Variants in SPOP observed in about 807,000 individuals in gnomAD.
SPOP encodes the protein speckle type BTB/POZ protein.
A neutral mutation model predicts 45.6 loss-of-function variants in SPOP; 11 were observed. That is an observed-to-expected ratio of 0.24 (90% confidence interval 0.15 to 0.40). The LOEUF (loss-of-function observed/expected upper bound fraction) is 0.40. Ranked by LOEUF, SPOP falls within the 10% of genes least tolerant of loss-of-function variation. The pLI is 1.00. For synonymous variants in SPOP, 166 were observed against 166.3 expected (o/e 1.00, Z 0.01); for missense variants, 152 against 465.6 (o/e 0.33, Z 6.20).
At chr17:49,651,967 C>T (rs887006389) in intron 1 of SPOP, among the ~76,000 whole-genome samples, 2 of 151,318 alleles carry the variant, frequency 1.3e-5, no homozygotes, top group South Asian at 2.1e-4. Flanking sequence ...TGCAATGAGC[C>T]GAAATCGTGC....
intron 5 of SPOP, among the ~76,000 whole-genome samples, chr17:49,615,230 T>G (rs770745548): frequency 7.9e-5 from 12 of 152,222 alleles, no homozygotes; most frequent in Non-Finnish European, 1.3e-4. Context: ...AATTAGTGTC[T>G]GGATATTTCA....
chr17:49,604,305 A>G (rs2071794333), intron 8 of SPOP, among the ~76,000 whole-genome samples: 1 of 152,206 alleles, frequency 6.6e-6, no homozygotes, highest in Non-Finnish European at 1.5e-5. Context: ...GAATTTTCAC[A>G]TTGCTTCATT....
chr17:49,600,005 C>A lies in SPOP; in HGVS notation c.*373G>T, dbSNP rs2071710205. ...CTTCTGTTAAAACTCAATGTCCTTT[C>A]TTTTTTTTTTTTCCTTTTTGCTCCA... On this transcript the variant is annotated 3_prime_UTR_variant, in exon 10 of 10. Transcript: ENST00000504102. The surrounding 1 kb of genome is among the most constrained non-coding windows in gnomAD (Gnocchi z 4.2). 1 of 203,688 alleles carries A rather than the reference C, an allele frequency of 4.9e-6. No homozygotes were observed. Among genetic ancestry groups the A allele is most frequent in the Non-Finnish European group, 9.6e-6 (1 of 103,796 alleles). The allele number at this position is 203,688 out of a possible 1,614,324, so 12.6% of individuals were successfully genotyped here.
chr17:49,618,248 T>C (rs2072132808), intron 5 of SPOP, among the ~76,000 whole-genome samples: 2 of 152,208 alleles, frequency 1.3e-5, no homozygotes, highest in South Asian at 4.1e-4. Flanking sequence ...TTTATTACAC[T>C]GTGAGCTTGT....
rs2143267253 is a variant in SPOP at position 49,619,176 on chromosome 17, A to T, written c.352+58T>A. Reference sequence around the variant, plus strand: ...AACCAGATCAAAGCCACAACTTGTCAGTGTATGAAACTTCTGGATGTGAAA... The same window carrying T: ...AACCAGATCAAAGCCACAACTTGTCTGTGTATGAAACTTCTGGATGTGAAA... On this transcript the variant is annotated intron_variant, in intron 4 of 9. Transcript: ENST00000504102. This position sits in a 1 kb window ranked among gnomAD's most constrained non-coding sequence, Gnocchi z 4.9. 1 of 1,613,566 alleles carries T rather than the reference A, an allele frequency of 6.2e-7. No homozygotes were observed. Among genetic ancestry groups the T allele is most frequent in the Non-Finnish European group, 8.5e-7 (1 of 1,179,836 alleles).
intron 1 of SPOP, among the ~76,000 whole-genome samples, chr17:49,650,535 G>A (rs1372201446): frequency 2.0e-5 from 3 of 152,110 alleles, no homozygotes; most frequent in Non-Finnish European, 4.4e-5. Flanking sequence ...AGCCAAGCTC[G>A]TGCCACTGCA....
At chr17:49,668,461 G>C (rs890729416) in intron 1 of SPOP, among the ~76,000 whole-genome samples, 1 of 152,040 alleles carries the variant, frequency 6.6e-6, no homozygotes, top group African/African-American at 2.4e-5. Context: ...ATTGACTGGA[G>C]TATATAGTAC....
intron 8 of SPOP, among the ~76,000 whole-genome samples, chr17:49,603,911 C>T (rs1324178607): frequency 6.6e-6 from 1 of 152,172 alleles, no homozygotes; most frequent in African/African-American, 2.4e-5. Context: ...GATCACCATG[C>T]CCTGTGTACT....
At chr17:49,618,096 C>T (rs928274308) in intron 5 of SPOP, among the ~76,000 whole-genome samples, 6 of 151,958 alleles carry the variant, frequency 3.9e-5, no homozygotes, top group Non-Finnish European at 7.4e-5. Flanking sequence ...TTTGACCGAG[C>T]GAGTTGGCAA....
intron 5 of SPOP, among the ~76,000 whole-genome samples, 185 bp downstream of exon 5, chr17:49,618,796 A>G (rs1425033430): frequency 1.3e-5 from 2 of 152,218 alleles, no homozygotes; most frequent in African/African-American, 4.8e-5. Flanking sequence ...TAACAAGTGG[A>G]AAGCTGAGAT....
At position 49,607,345 on chromosome 17, in the gene SPOP, G is replaced by A; in HGVS notation, c.742C>T (p.Pro248Ser). The A allele has an allele frequency of 1.2e-6, 2 of 1,613,628 alleles. No individual in the cohort carries two copies. The highest frequency in any genetic ancestry group is 8.5e-7 in the Non-Finnish European group (1 of 1,179,742). ...KNRVEINDVEPEVFKEMMCFI... is the reference protein window; with the variant it reads ...KNRVEINDVESEVFKEMMCFI... Reference sequence around the variant, plus strand: ...CACATCATTTCCTTAAAAACTTCAGGCTCCACATCATTGATTTCAACTCGA... The same window carrying A: ...CACATCATTTCCTTAAAAACTTCAGACTCCACATCATTGATTTCAACTCGA... Residue 248 changes from proline (P) to serine (S), a missense_variant, in exon 8 of 10, where the codon CCT (proline) becomes TCT (serine). Physicochemically the swap from Pro to Ser is moderately conservative, Grantham distance 74. Transcript: ENST00000504102.
intron 8 of SPOP, among the ~76,000 whole-genome samples, chr17:49,604,048 G>A (rs914407262): frequency 6.6e-6 from 1 of 152,106 alleles, no homozygotes; most frequent in African/African-American, 2.4e-5. Context: ...CTAAAAAGTG[G>A]GCCTTGCAAT....
rs542443312 is a variant in SPOP at position 49,622,078 on chromosome 17, A to G, written c.79-11T>C. The G allele has an allele frequency of 6.2e-7, 1 of 1,611,936 alleles. No individual in the cohort carries two copies. The highest frequency in any genetic ancestry group is 1.1e-5 in the South Asian group (1 of 90,554). ...TTTCACTACCTTGATCTGTTGATAG[A>G]AAAACAGGAAGCAATTAAATAGGAA... On this transcript the variant is annotated splice_polypyrimidine_tract_variant and intron_variant, in intron 2 of 9. Coordinates refer to ENST00000504102, the MANE Select transcript of SPOP (RefSeq NM_001007228.2).
intron 8 of SPOP, among the ~76,000 whole-genome samples, chr17:49,606,621 G>A (rs1240410001): frequency 1.3e-5 from 2 of 148,382 alleles, no homozygotes; most frequent in African/African-American, 5.0e-5. Context: ...AGCCTCCTGA[G>A]TAGCTGGGAC....
intron 1 of SPOP, among the ~76,000 whole-genome samples, chr17:49,665,485 G>C (rs1204384349): frequency 2.0e-5 from 3 of 151,724 alleles, no homozygotes; most frequent in Non-Finnish European, 4.4e-5. Context: ...CGTGGTGGCA[G>C]GCGCCTGTAG....
At chr17:49,634,604 T>C (rs2072511034) in intron 1 of SPOP, among the ~76,000 whole-genome samples, 1 of 152,192 alleles carries the variant, frequency 6.6e-6, no homozygotes, top group Admixed American at 6.5e-5. Flanking sequence ...TATTTAAGCA[T>C]GTCCAATCTG....
At chr17:49,610,161 G>A (rs2071939835) in intron 6 of SPOP, among the ~76,000 whole-genome samples, 2 of 152,158 alleles carry the variant, frequency 1.3e-5, no homozygotes, top group South Asian at 2.1e-4. Flanking sequence ...TATTGGCAGT[G>A]TTGAGGGCCT....
intron 1 of SPOP, among the ~76,000 whole-genome samples, chr17:49,648,706 T>C (rs1329303402): frequency 6.6e-6 from 1 of 152,216 alleles, no homozygotes; most frequent in African/African-American, 2.4e-5. Flanking sequence ...CCCTGGTCTT[T>C]TTCTTTTCAG....
chr17:49,602,207 A>C, intron 8 of SPOP, 200 bp from the exon 9 acceptor site: 1 of 551,698 alleles, frequency 1.8e-6, no homozygotes, highest in Non-Finnish European at 2.9e-6. Flanking sequence ...GTAAACAGCT[A>C]AAGTAACTTG....
Sources: allele counts gnomAD v4.1 joint callset (sites outside exome capture counted in the v4.1 genomes callset), GRCh38; gene constraint gnomAD v4.1.1; non-coding constraint Gnocchi (gnomAD v3.1); transcripts MANE v1.5; gene names NCBI Gene and HGNC (gene_info 2026-07-23, HGNC 2026-07-21).